The following ANKFN1 variants were observed in gnomAD, a reference collection of about 807,000 sequenced individuals.
ANKFN1 encodes the protein ankyrin repeat and fibronectin type-III domain-containing protein 1.
ANKFN1 carries 74 observed loss-of-function variants against 108.7 expected under a neutral mutation model. That is an observed-to-expected ratio of 0.68 (90% CI 0.56 to 0.83). The LOEUF (loss-of-function observed/expected upper bound fraction) is 0.83, where lower values mean the gene tolerates loss of function less well. ANKFN1 is among the 40% of genes least tolerant of loss of function. The pLI, the probability that ANKFN1 is intolerant of heterozygous loss-of-function variation, is 0.00. For missense variants in ANKFN1, 1,505 were observed against 1,382.3 expected (o/e 1.09, Z -1.41); for synonymous variants, 547 against 516.2 (o/e 1.06, Z -0.81).
At chr17:56,250,581 C>A (rs1329235659) in intron 3 of ANKFN1, among the ~76,000 whole-genome samples, 4 of 152,172 alleles carry the variant, frequency 2.6e-5, no homozygotes, top group African/African-American at 9.7e-5. Context: ...AGCATCTATG[C>A]CACACAAACT....
chr17:56,103,726 C>A (rs1330580027), intron 4 of ANKFN1, among the ~76,000 whole-genome samples: 2 of 152,188 alleles, frequency 1.3e-5, no homozygotes, highest in African/African-American at 4.8e-5. Context: ...AGTTCCCAGT[C>A]TGTAGGGGAA....
chr17:56,491,263 G>C (rs1277618288), intron 18 of ANKFN1, among the ~76,000 whole-genome samples: 2 of 152,186 alleles, frequency 1.3e-5, no homozygotes, highest in Non-Finnish European at 2.9e-5. Flanking sequence ...GTACAGGCCA[G>C]AGGTAAACAG....
intron 7 of ANKFN1, among the ~76,000 whole-genome samples, chr17:56,373,452 A>G (rs563677438): frequency 6.6e-6 from 1 of 152,368 alleles, no homozygotes; most frequent in East Asian, 1.9e-4. Context: ...CCTGATACAA[A>G]AACAAAATAT....
At chr17:56,104,060 C>T (rs1905697510) in intron 4 of ANKFN1, among the ~76,000 whole-genome samples, 1 of 152,180 alleles carries the variant, frequency 6.6e-6, no homozygotes, top group Admixed American at 6.6e-5. Flanking sequence ...CCATTGATAT[C>T]CTCTGGTTCT....
intron 3 of ANKFN1, among the ~76,000 whole-genome samples, chr17:56,308,030 T>A (rs1263028736): frequency 6.6e-6 from 1 of 152,048 alleles, no homozygotes; most frequent in East Asian, 1.9e-4. Flanking sequence ...AGGTGGGAAT[T>A]GAACAATGAG....
At chr17:56,459,574 A>C (rs1233335708) in intron 14 of ANKFN1, among the ~76,000 whole-genome samples, 3 of 152,128 alleles carry the variant, frequency 2.0e-5, no homozygotes, top group African/African-American at 7.2e-5. Context: ...CTTTAGGATA[A>C]ATACATTCCT....
intron 3 of ANKFN1, among the ~76,000 whole-genome samples, chr17:56,302,532 AAG>A (rs1555625444): frequency 7.0e-6 from 1 of 142,662 alleles, no homozygotes; most frequent in Non-Finnish European, 1.5e-5. Flanking sequence ...AAAAAAAAAA[AAG>A]AGAGAGAGAG....
chr17:56,222,662 G>A (rs1026440165), intron 2 of ANKFN1, among the ~76,000 whole-genome samples: 10 of 152,322 alleles, frequency 6.6e-5, no homozygotes, highest in African/African-American at 1.9e-4. Context: ...GTATCTTGAA[G>A]TTCAGGTGGA....
intron 2 of ANKFN1, among the ~76,000 whole-genome samples, chr17:56,218,265 C>T (rs564455291): frequency 3.4e-5 from 5 of 145,394 alleles, no homozygotes; most frequent in African/African-American, 1.2e-4. Flanking sequence ...TTCAGTTCCT[C>T]AACACAAATA....
chr17:56,238,628 T>C (rs1917342998), intron 3 of ANKFN1, among the ~76,000 whole-genome samples: 1 of 152,168 alleles, frequency 6.6e-6, no homozygotes, highest in African/African-American at 2.4e-5. Flanking sequence ...AATTTCCATA[T>C]GCTTGGCAGA....
At chr17:56,131,974 G>A (rs1488228722) in intron 4 of ANKFN1, among the ~76,000 whole-genome samples, 4 of 152,132 alleles carry the variant, frequency 2.6e-5, no homozygotes, top group African/African-American at 4.8e-5. Context: ...CTTAAGAATC[G>A]AATCATATGG....
In ANKFN1 at chr17:56,511,235, C is replaced by T; in HGVS notation, c.3407C>T (p.Ser1136Phe). 1 of 1,532,674 alleles carries T rather than the reference C, an allele frequency of 6.5e-7. No homozygotes were observed. The allele number at this position is 1,532,674 out of a possible 1,614,324, so 94.9% of individuals were successfully genotyped here. A position where few individuals can be genotyped will look rare whatever the true frequency, so the allele number is the denominator to read the frequency against. ...PDVSQEGPTA[S>F]PMSEILSSML ...GTGAGTCAGGAGGGCCCCACCGCCT[C>T]TCCCATGTCAGAAATACTCAGCAGC... The change falls in exon 21 of 21, where the codon TCT becomes TTT. Residue 1136 changes from serine (S) to phenylalanine (F), a missense_variant. Coordinates refer to ENST00000682825, the MANE Select transcript of ANKFN1 (RefSeq NM_001370326.1).
intron 3 of ANKFN1, among the ~76,000 whole-genome samples, chr17:56,275,628 C>T (rs2043908532): frequency 6.6e-6 from 1 of 151,848 alleles, no homozygotes. Flanking sequence ...CTGTTTTGGG[C>T]AAAAAAAGTA....
At chr17:56,368,715 A>T (rs1462085046) in intron 6 of ANKFN1, among the ~76,000 whole-genome samples, 1 of 152,084 alleles carries the variant, frequency 6.6e-6, no homozygotes, top group Admixed American at 6.6e-5. Flanking sequence ...TCCAGTTGAA[A>T]AAAGGTTGTG....
intron 8 of ANKFN1, among the ~76,000 whole-genome samples, chr17:56,430,029 A>C (rs1168441828): frequency 6.6e-6 from 1 of 152,186 alleles, no homozygotes; most frequent in East Asian, 1.9e-4. Flanking sequence ...TGAGTCTTTC[A>C]CTTGAGTAGG....
intron 3 of ANKFN1, among the ~76,000 whole-genome samples, chr17:56,235,127 G>T (rs1400824869): frequency 3.3e-5 from 5 of 151,914 alleles, no homozygotes; most frequent in Admixed American, 2.6e-4. Flanking sequence ...TTTTTCATAT[G>T]CCTGTCAGCC....
intron 3 of ANKFN1, among the ~76,000 whole-genome samples, chr17:56,288,262 A>G (rs2044270372): frequency 6.6e-6 from 1 of 152,158 alleles, no homozygotes; most frequent in South Asian, 2.1e-4. Flanking sequence ...AAGCTTTCAA[A>G]ATTAATTCAT....
At chr17:56,391,227 ATATATATATATATATATATATGTATG>A (rs142347134) in intron 8 of ANKFN1, among the ~76,000 whole-genome samples, 5 of 32,804 alleles carry the variant, frequency 1.5e-4, no homozygotes, top group Admixed American at 9.0e-4. Context: ...ATATATATAT[ATATATATATATATATATATATGTATG>A]TGTGTGTGTG....
chr17:56,455,358 A>C (rs1443002117), intron 11 of ANKFN1, among the ~76,000 whole-genome samples: 1 of 152,170 alleles, frequency 6.6e-6, no homozygotes, highest in Admixed American at 6.5e-5. Context: ...CAAGCAGCCA[A>C]ACTCATGTTC....
Sources: gnomAD v4.1 joint callset for allele counts (sites outside exome capture counted in the v4.1 genomes callset) on GRCh38, gnomAD v4.1.1 for gene constraint, MANE v1.5 for transcripts, NCBI Gene and HGNC (gene_info 2026-07-23, HGNC 2026-07-21) for gene names.